PSPH: variants seen among roughly 807,000 people sequenced by gnomAD.
PSPH encodes L-3-phosphoserine phosphatase.
PSPH carries 16 observed loss-of-function variants against 23.4 expected under a neutral mutation model. That is an observed-to-expected ratio of 0.68 (90% CI 0.46 to 1.04). The LOEUF (loss-of-function observed/expected upper bound fraction) is 1.04. Among genes scored for constraint, PSPH ranks in the 50% least tolerant of loss-of-function variants. The pLI is 0.00. For synonymous variants in PSPH, 68 were observed against 99.7 expected (o/e 0.68, Z 1.89); for missense variants, 223 against 273.7 (o/e 0.81, Z 1.31).
chr7:56,033,126 T>C (rs985200818), intron 2 of PSPH: 1 of 152,104 alleles, frequency 6.6e-6, no homozygotes, highest in Non-Finnish European at 1.5e-5. Context: ...ATTTTATTAT[T>C]TTCCTCCCTG....
chr7:56,013,510 C>A (rs1788207355), intron 7 of PSPH, among the ~76,000 whole-genome samples: 2 of 89,372 alleles, frequency 2.2e-5, no homozygotes, highest in South Asian at 6.7e-4. Context: ...AGAGCAAGAA[C>A]CTGTCTCAAA....
At chr7:56,037,693 T>C (rs1189801573) in intron 1 of PSPH, among the ~76,000 whole-genome samples, 1 of 151,310 alleles carries the variant, frequency 6.6e-6, no homozygotes, top group African/African-American at 2.4e-5. Context: ...ATCACATTTT[T>C]GTAAGCTAAC....
At chr7:56,044,008 G>C (rs935507128) in intron 1 of PSPH, among the ~76,000 whole-genome samples, 4 of 152,066 alleles carry the variant, frequency 2.6e-5, no homozygotes, top group African/African-American at 9.7e-5. Context: ...CCAGGCTGAA[G>C]TGCAATGGCG....
chr7:56,034,224 G>A (rs1791413046), intron 1 of PSPH, 118 bp from the exon 2 acceptor site: 1 of 152,274 alleles, frequency 6.6e-6, no homozygotes, highest in Non-Finnish European at 1.5e-5. Flanking sequence ...CCCCAGGGGA[G>A]GGGCTCCCTG....
chr7:56,015,245 A>AT (rs1788418883), intron 6 of PSPH, 74 bp from the exon 7 acceptor site: 1 of 1,544,790 alleles, frequency 6.5e-7, no homozygotes, highest in East Asian at 2.2e-5. Context: ...TGCATAGATG[A>AT]TATCTTCACT....
intron 4 of PSPH, 114 bp from the exon 5 acceptor site, chr7:56,019,848 C>T: frequency 1.4e-6 from 2 of 1,392,150 alleles, no homozygotes; most frequent in Non-Finnish European, 2.0e-6. Flanking sequence ...TACCAAGAGC[C>T]CAGTGTGCAA....
intron 1 of PSPH, among the ~76,000 whole-genome samples, chr7:56,036,898 G>A (rs890207284): frequency 6.6e-6 from 1 of 152,098 alleles, no homozygotes; most frequent in East Asian, 1.9e-4. Context: ...ATCAGGCCGG[G>A]CACAGTGGCT....
At chr7:56,044,590 T>C (rs756340407) in intron 1 of PSPH, among the ~76,000 whole-genome samples, 2 of 152,024 alleles carry the variant, frequency 1.3e-5, no homozygotes, top group Non-Finnish European at 2.9e-5. Context: ...AAAAACAATA[T>C]TGCTGGCTGA....
intron 1 of PSPH, among the ~76,000 whole-genome samples, chr7:56,037,544 G>A (rs1418499755): frequency 1.3e-5 from 2 of 150,982 alleles, no homozygotes; most frequent in African/African-American, 2.4e-5. Flanking sequence ...TCAGCCTTCC[G>A]AGTAGGTTGG....
At chr7:56,031,893 C>A (rs779758054) in intron 3 of PSPH, 36 bp downstream of exon 3, 7 of 153,328 alleles carry the variant, frequency 4.6e-5, no homozygotes, top group East Asian at 1.9e-4. Context: ...CAGCAAAAAA[C>A]CAAAACAAAA....
intron 1 of PSPH, among the ~76,000 whole-genome samples, chr7:56,044,677 T>C (rs1179040045): frequency 1.3e-5 from 2 of 151,966 alleles, no homozygotes; most frequent in Non-Finnish European, 2.9e-5. Context: ...GGAGGATCGC[T>C]TGAGGCTAGC....
chr7:56,041,816 C>T lies in PSPH; in HGVS notation c.-291-7710G>A, dbSNP rs937885143. ...GTGCATGCCTGCAATCCCAGCTATT[C>T]GTGAGGCTGAGGCAGGAGAACTGCT... On this transcript the variant is annotated intron_variant, in intron 1 of 7. Coordinates refer to ENST00000275605, the MANE Select transcript of PSPH (RefSeq NM_004577.4). Among the ~76,000 whole-genome samples the T allele has an allele frequency of 7.9e-5, 12 of 151,772 alleles. No homozygotes were observed. The East Asian group carries it at 2.3e-3, about 30-fold the overall frequency.
At chr7:56,032,566 A>AGG (rs201514563) in intron 2 of PSPH, among the ~76,000 whole-genome samples, 39,545 of 150,920 alleles carry the variant, frequency 0.26, 5,371 homozygotes, top group East Asian at 0.41. Flanking sequence ...AGGCTGAGGC[A>AGG]GGAGAATGGC....
In PSPH at chr7:56,011,758, G is replaced by A. The variant is rs1428284278; in HGVS notation, c.*4C>T. On this transcript the variant is annotated 3_prime_UTR_variant, in exon 8 of 8. Transcript: ENST00000275605. ...AGTTGTTTGGAGCTGTACGACAATG[G>A]ATGTTATTCTTCCAGTTCTCCCAGC... is the stretch of plus-strand genomic sequence containing the variant. 1 of 1,602,456 alleles carries A rather than the reference G, an allele frequency of 6.2e-7. No individual in the cohort carries two copies. The highest frequency in any genetic ancestry group is 1.3e-5 in the African/African-American group (1 of 74,584).
At chr7:56,048,271 C>A (rs1331998353) in intron 1 of PSPH, among the ~76,000 whole-genome samples, 6 of 142,408 alleles carry the variant, frequency 4.2e-5, no homozygotes, top group African/African-American at 1.5e-4. Context: ...AAGAGCAACA[C>A]TCTGTCTTTA....
chr7:56,012,304 G>C (rs1788002139), intron 7 of PSPH, among the ~76,000 whole-genome samples: 1 of 152,086 alleles, frequency 6.6e-6, no homozygotes, highest in Non-Finnish European at 1.5e-5. Flanking sequence ...TGATCATCCT[G>C]CCTCAGCCTC....
chr7:56,012,593 C>T (rs2116446929), intron 7 of PSPH, among the ~76,000 whole-genome samples: 1 of 151,766 alleles, frequency 6.6e-6, no homozygotes, highest in South Asian at 2.1e-4. Context: ...TTAGACAACC[C>T]CAACATTGGT....
rs560144894 is a variant in PSPH, at chr7:56,031,977, C to T, written c.-68G>A. The stretch of plus-strand genomic sequence containing the variant: ...GGAGACGACACTCTTCTGTTCCTTC[C>T]CTAGATAAAAACGCAGCACAAAGTT... On this transcript the variant is annotated 5_prime_UTR_variant, in exon 3 of 8. Transcript: ENST00000275605. The T allele has an allele frequency of 1.3e-5, 2 of 153,272 alleles. No individual in the cohort carries two copies. The highest frequency in any genetic ancestry group is 1.9e-4 in the East Asian group (1 of 5,194). The allele number at this position is 153,272 out of a possible 1,614,324, so 9.5% of individuals were successfully genotyped here. A position where few individuals can be genotyped will look rare whatever the true frequency, so the allele number is the denominator to read the frequency against.
intron 1 of PSPH, among the ~76,000 whole-genome samples, chr7:56,047,073 A>G (rs977466972): frequency 4.6e-5 from 7 of 152,144 alleles, no homozygotes; most frequent in African/African-American, 1.7e-4. Flanking sequence ...GATCACAGTA[A>G]TAATTGTTTC....
Sources: gnomAD v4.1 joint callset for allele counts (sites outside exome capture counted in the v4.1 genomes callset) on GRCh38, gnomAD v4.1.1 for gene constraint, MANE v1.5 for transcripts, NCBI Gene and HGNC (gene_info 2026-07-23, HGNC 2026-07-21) for gene names.